Variants in SPMIP4 observed in about 807,000 individuals in gnomAD.
SPMIP4 encodes sperm-associated microtubule inner protein 4.
At chr7:25,179,354 C>T in the SPMIP4 span, 2 of 1,584,734 alleles carry the variant, frequency 1.3e-6, no homozygotes, top group Non-Finnish European at 1.7e-6. Context: ...AAGGAGGGCA[C>T]ATTTGGCTTG....
chr7:25,142,817 A>G, the SPMIP4 span: 1 of 1,507,880 alleles, frequency 6.6e-7, no homozygotes, highest in Non-Finnish European at 8.8e-7. Flanking sequence ...CTGGGAAACT[A>G]AAATATGAAC....
At chr7:25,151,223 GAT>G in the SPMIP4 span, among the ~76,000 whole-genome samples, 12 of 117,986 alleles carry the variant, frequency 1.0e-4, no homozygotes, top group African/African-American at 3.5e-4. Context: ...TAAACTTTTA[GAT>G]TTTTTTTTTT....
the SPMIP4 span, chr7:25,142,591 A>G: frequency 8.1e-6 from 12 of 1,481,548 alleles, no homozygotes; most frequent in Admixed American, 2.1e-5. Flanking sequence ...CATTTGTTAA[A>G]TATTCCAATT....
the SPMIP4 span, chr7:25,161,177 A>C: frequency 6.7e-6 from 10 of 1,497,568 alleles, no homozygotes; most frequent in African/African-American, 5.6e-5. Context: ...AAGGAAAAAA[A>C]CCCAGACTTA....
chr7:25,158,385 AAAAG>A, the SPMIP4 span: 14 of 761,302 alleles, frequency 1.8e-5, no homozygotes, highest in South Asian at 6.2e-5. Flanking sequence ...AAAAAAAAAA[AAAAG>A]AAACGTTTTC....
the SPMIP4 span, chr7:25,155,205 G>A: frequency 6.7e-7 from 1 of 1,493,880 alleles, no homozygotes; most frequent in Non-Finnish European, 8.9e-7. Flanking sequence ...AAGATTTATT[G>A]AGGAAACAAA....
At chr7:25,157,457 G>A in the SPMIP4 span, among the ~76,000 whole-genome samples, 1 of 151,910 alleles carries the variant, frequency 6.6e-6, no homozygotes, top group African/African-American at 2.4e-5. Flanking sequence ...GGACACCTCT[G>A]CCGGGCAGTC....
the SPMIP4 span, among the ~76,000 whole-genome samples, chr7:25,141,709 TAAAA>T: frequency 2.0e-5 from 3 of 149,434 alleles, no homozygotes; most frequent in African/African-American, 7.4e-5. Context: ...GAAAATCTGT[TAAAA>T]AAAAAAAACC....
At chr7:25,154,642 T>C in the SPMIP4 span, among the ~76,000 whole-genome samples, 3 of 152,206 alleles carry the variant, frequency 2.0e-5, no homozygotes, top group Non-Finnish European at 2.9e-5. Context: ...ATGCAAACAC[T>C]GTCCCTTGTG....
the SPMIP4 span, among the ~76,000 whole-genome samples, chr7:25,159,335 G>A: frequency 6.6e-6 from 1 of 152,144 alleles, no homozygotes; most frequent in African/African-American, 2.4e-5. Flanking sequence ...CAAGTTCCTG[G>A]AAGCATGCCT....
the SPMIP4 span, among the ~76,000 whole-genome samples, chr7:25,137,962 G>C: frequency 1.3e-5 from 2 of 151,868 alleles, no homozygotes; most frequent in East Asian, 3.9e-4. Context: ...AAACCACTTG[G>C]GTCTAGACTT....
the SPMIP4 span, among the ~76,000 whole-genome samples, chr7:25,177,566 T>C: frequency 6.6e-6 from 1 of 152,178 alleles, no homozygotes; most frequent in Non-Finnish European, 1.5e-5. Flanking sequence ...TGTTTTGAGG[T>C]GTTTTTTCCT....
At chr7:25,149,970 G>T in the SPMIP4 span, among the ~76,000 whole-genome samples, 2 of 152,200 alleles carry the variant, frequency 1.3e-5, no homozygotes, top group African/African-American at 2.4e-5. Flanking sequence ...CTACATAACA[G>T]AAACAAAGAG....
chr7:25,151,685 C>T, the SPMIP4 span: 2 of 1,577,026 alleles, frequency 1.3e-6, no homozygotes, highest in Non-Finnish European at 1.7e-6. Context: ...TAAGGATTAC[C>T]TGAAAATTTC....
chr7:25,151,659 A>C, the SPMIP4 span: 1 of 1,610,554 alleles, frequency 6.2e-7, no homozygotes, highest in Admixed American at 1.7e-5. Context: ...TGGGAATATC[A>C]ATCAGTTCAT....
chr7:25,135,354 G>C, the SPMIP4 span: 5 of 985,322 alleles, frequency 5.1e-6, no homozygotes, highest in Non-Finnish European at 6.0e-6. Flanking sequence ...TTTGTAATGT[G>C]TACATGCAGA....
chr7:25,155,063 A>T, the SPMIP4 span: 1 of 1,614,072 alleles, frequency 6.2e-7, no homozygotes, highest in African/African-American at 1.3e-5. Context: ...CCGTGGGAGG[A>T]AAGGGCTGCT....
chr7:25,169,050 G>A, the SPMIP4 span, among the ~76,000 whole-genome samples: 1,115 of 151,168 alleles, frequency 7.4e-3, 14 homozygotes, highest in African/African-American at 0.026. Flanking sequence ...TTAAAAACAG[G>A]TTTATTGAGA....
At chr7:25,155,731 A>G in the SPMIP4 span, among the ~76,000 whole-genome samples, 2 of 152,188 alleles carry the variant, frequency 1.3e-5, no homozygotes, top group Non-Finnish European at 2.9e-5. Context: ...TCAAAATCAA[A>G]AAGCCAAAAA....
Sources: allele counts gnomAD v4.1 joint callset (sites outside exome capture counted in the v4.1 genomes callset), GRCh38; gene constraint gnomAD v4.1.1; transcripts MANE v1.5; gene names NCBI Gene and HGNC (gene_info 2026-07-23, HGNC 2026-07-21).